UNC5D: variants seen among roughly 807,000 people sequenced by gnomAD.
The protein encoded by UNC5D is netrin receptor UNC5D.
In UNC5D, 39 loss-of-function variants were observed where a neutral mutation model predicts 105.4. That is an observed-to-expected ratio of 0.37 (90% CI 0.29 to 0.48). UNC5D has a LOEUF of 0.48. Among genes scored for constraint, UNC5D ranks in the 20% least tolerant of loss-of-function variants. The pLI is 0.98. For synonymous variants in UNC5D, 452 were observed against 450.4 expected (o/e 1.00, Z -0.04); for missense variants, 991 against 1,202.4 (o/e 0.82, Z 2.60).
At chr8:35,666,635 A>G (rs895597910) in intron 4 of UNC5D, among the ~76,000 whole-genome samples, 1 of 152,182 alleles carries the variant, frequency 6.6e-6, no homozygotes, top group Non-Finnish European at 1.5e-5. Flanking sequence ...CAGGCTGATT[A>G]AGATGAGAAA....
chr8:35,343,002 G>T (rs971204957), intron 1 of UNC5D, among the ~76,000 whole-genome samples: 1 of 152,022 alleles, frequency 6.6e-6, no homozygotes, highest in Non-Finnish European at 1.5e-5. Flanking sequence ...TCAGAATCAC[G>T]GGGAGGTCTT....
chr8:35,610,726 A>G (rs1193364252), intron 4 of UNC5D, among the ~76,000 whole-genome samples: 1 of 152,200 alleles, frequency 6.6e-6, no homozygotes, highest in Non-Finnish European at 1.5e-5. Flanking sequence ...GAGCCCTGAC[A>G]GATCACATTG....
chr8:35,550,487 TAA>T (rs1816046428), intron 2 of UNC5D, among the ~76,000 whole-genome samples: 1 of 152,168 alleles, frequency 6.6e-6, no homozygotes, highest in Non-Finnish European at 1.5e-5. Flanking sequence ...GATTTTTGAA[TAA>T]GTCAAAAAAC....
At chr8:35,364,247 G>A (rs755918101) in intron 1 of UNC5D, among the ~76,000 whole-genome samples, 1 of 128,804 alleles carries the variant, frequency 7.8e-6, no homozygotes, top group Non-Finnish European at 1.7e-5. Flanking sequence ...GTAAAGACAT[G>A]CTTTCTCTTA....
intron 1 of UNC5D, among the ~76,000 whole-genome samples, chr8:35,527,168 A>T (rs1442255753): frequency 3.3e-5 from 5 of 150,708 alleles, no homozygotes; most frequent in Non-Finnish European, 7.4e-5. Context: ...GATTTTCCCT[A>T]ATCCTTTTAC....
At chr8:35,244,959 T>C (rs1352578043) in intron 1 of UNC5D, among the ~76,000 whole-genome samples, 1 of 152,088 alleles carries the variant, frequency 6.6e-6, no homozygotes, top group Admixed American at 6.6e-5. Flanking sequence ...GAGGTGACAG[T>C]GAGCCATAAT....
At chr8:35,782,782 C>T (rs754098696) in intron 16 of UNC5D, among the ~76,000 whole-genome samples, 2 of 152,036 alleles carry the variant, frequency 1.3e-5, no homozygotes, top group African/African-American at 2.4e-5. Flanking sequence ...GGATTACAAG[C>T]GTGAGCCACC....
chr8:35,500,509 T>C (rs375033125), intron 1 of UNC5D, among the ~76,000 whole-genome samples: 2 of 152,250 alleles, frequency 1.3e-5, no homozygotes, highest in African/African-American at 4.8e-5. Flanking sequence ...ATGTTCCTAT[T>C]CAACTGTATA....
At chr8:35,677,710 T>C (rs916854240) in intron 4 of UNC5D, among the ~76,000 whole-genome samples, 1 of 152,076 alleles carries the variant, frequency 6.6e-6, no homozygotes, top group East Asian at 1.9e-4. Context: ...ACTATGTTGA[T>C]TGTTTATAGA....
intron 1 of UNC5D, among the ~76,000 whole-genome samples, chr8:35,328,471 T>A (rs1410720717): frequency 2.0e-5 from 3 of 152,160 alleles, no homozygotes; most frequent in African/African-American, 7.2e-5. Context: ...AGGACTTAGG[T>A]TCAGTTTTTC....
intron 1 of UNC5D, among the ~76,000 whole-genome samples, chr8:35,282,955 C>T (rs1014538901): frequency 6.6e-6 from 1 of 152,086 alleles, no homozygotes; most frequent in African/African-American, 2.4e-5. Context: ...ATATGTTTCT[C>T]TTAATAGACT....
At chr8:35,702,041 A>G (rs1827239085) in intron 7 of UNC5D, among the ~76,000 whole-genome samples, 1 of 152,058 alleles carries the variant, frequency 6.6e-6, no homozygotes, top group Non-Finnish European at 1.5e-5. Flanking sequence ...TTGCATTTTT[A>G]ACTTATAAAT....
At chr8:35,502,630 C>T (rs1812043652) in intron 1 of UNC5D, among the ~76,000 whole-genome samples, 2 of 152,098 alleles carry the variant, frequency 1.3e-5, no homozygotes, top group Non-Finnish European at 2.9e-5. Context: ...GCGATCTTGG[C>T]TCACTGCAAC....
intron 1 of UNC5D, among the ~76,000 whole-genome samples, chr8:35,240,811 T>C (rs982552124): frequency 6.6e-6 from 1 of 152,212 alleles, no homozygotes; most frequent in African/African-American, 2.4e-5. Context: ...AGTCTATAAA[T>C]ATGTTCAGAT....
At chr8:35,365,867 C>T (rs1802092299) in intron 1 of UNC5D, among the ~76,000 whole-genome samples, 1 of 152,034 alleles carries the variant, frequency 6.6e-6, no homozygotes, top group Non-Finnish European at 1.5e-5. Flanking sequence ...AAAAATAAGG[C>T]AGAAGCCCTG....
At chr8:35,751,520 C>T (rs1462788337) in intron 13 of UNC5D, among the ~76,000 whole-genome samples, 5 of 152,174 alleles carry the variant, frequency 3.3e-5, no homozygotes, top group Non-Finnish European at 7.3e-5. Context: ...AAGTTCCTCC[C>T]AAAGTTAGTT....
Position 35,726,206 on chromosome 8 carries a change from C to T in UNC5D, c.1358C>T (p.Thr453Ile). ...CAGCCAGATCTGACAGTGAGCCGGA[C>T]ATACAGCGGACCCATCTGTCTGCAG... is the stretch of plus-strand genomic sequence containing the variant. ...AMQPDLTVSRTYSGPICLQDP... is the reference protein window; with the variant it reads ...AMQPDLTVSRIYSGPICLQDP... The change falls in exon 10 of 17, where the codon ACA becomes ATA. Residue 453 changes from threonine to isoleucine, a missense_variant. Physicochemically the swap from Thr to Ile is moderately conservative, Grantham distance 89. This residue lies in a region of UNC5D where 944 missense variants were observed against 1,131.6 expected (regional missense o/e 0.83). Transcript: ENST00000404895. 6.2e-7 allele frequency: 1 copy of T among 1,614,062 alleles called. No individual in the cohort carries two copies. The highest frequency in any genetic ancestry group is 8.5e-7 in the Non-Finnish European group (1 of 1,179,954).
chr8:35,581,979 ATTAT>A (rs531259068), intron 3 of UNC5D, among the ~76,000 whole-genome samples: 150 of 152,264 alleles, frequency 9.9e-4, no homozygotes, highest in African/African-American at 3.4e-3. Flanking sequence ...TGATACAAAC[ATTAT>A]TTATCTCCTA....
chr8:35,722,910 G>A (rs908493457), intron 9 of UNC5D, among the ~76,000 whole-genome samples: 15 of 152,268 alleles, frequency 9.9e-5, no homozygotes, highest in East Asian at 5.8e-4. Flanking sequence ...AATTCCAGCC[G>A]AAACGACTCT....
Sources: gnomAD v4.1 joint callset for allele counts (sites outside exome capture counted in the v4.1 genomes callset) on GRCh38, gnomAD v4.1.1 for gene constraint, gnomAD v4.1.1 regional missense constraint, MANE v1.5 for transcripts, NCBI Gene and HGNC (gene_info 2026-07-23, HGNC 2026-07-21) for gene names.